ITPRID1: variants seen among roughly 807,000 people sequenced by gnomAD.
ITPRID1 encodes ITPR interacting domain containing 1.
In ITPRID1, 96 loss-of-function variants were observed where a neutral mutation model predicts 95.4. The observed-to-expected ratio is 1.01, with a 90% CI of 0.85 to 1.19. The LOEUF (loss-of-function observed/expected upper bound fraction) is 1.19, where lower values mean the gene tolerates loss of function less well. Among genes scored for constraint, ITPRID1 ranks in the 50% most tolerant of loss-of-function variants. ITPRID1 has a pLI of 0.00. For missense variants in ITPRID1, 1,339 were observed against 1,252.9 expected (o/e 1.07, Z -1.04); for synonymous variants, 510 against 453.6 (o/e 1.12, Z -1.58).
At chr7:31,602,833 C>A (rs556378403) in intron 10 of ITPRID1, among the ~76,000 whole-genome samples, 1 of 152,180 alleles carries the variant, frequency 6.6e-6, no homozygotes, top group South Asian at 2.1e-4. Context: ...ATTTTTCTCT[C>A]TCTGGTTATT....
chr7:31,546,018 G>A (rs1481668803), intron 1 of ITPRID1, among the ~76,000 whole-genome samples: 1 of 151,980 alleles, frequency 6.6e-6, no homozygotes, highest in Admixed American at 6.6e-5. Flanking sequence ...ACTTTAAAAT[G>A]TCTTATAATG....
chr7:31,516,555 G>T (rs1328927794), intron 1 of ITPRID1, among the ~76,000 whole-genome samples: 1 of 152,116 alleles, frequency 6.6e-6, no homozygotes, highest in African/African-American at 2.4e-5. Context: ...GAAACGGCTT[G>T]CTCTAACAGA....
intron 10 of ITPRID1, among the ~76,000 whole-genome samples, chr7:31,618,492 C>A (rs1382216121): frequency 1.3e-5 from 2 of 152,136 alleles, no homozygotes; most frequent in Admixed American, 1.3e-4. Context: ...CTTTCCTGAT[C>A]CAAAGCCTAA....
At chr7:31,591,423 A>C (rs188875158) in intron 10 of ITPRID1, among the ~76,000 whole-genome samples, 1 of 152,208 alleles carries the variant, frequency 6.6e-6, no homozygotes, top group African/African-American at 2.4e-5. Context: ...CTGCTTTGAG[A>C]ATCAACAATG....
At chr7:31,612,676 CTG>C (rs1786930059) in intron 10 of ITPRID1, among the ~76,000 whole-genome samples, 1 of 152,100 alleles carries the variant, frequency 6.6e-6, no homozygotes, top group African/African-American at 2.4e-5. Context: ...CTGAAGGTCT[CTG>C]TGTTTTTGTT....
chr7:31,586,125 T>A (rs374281333), intron 10 of ITPRID1, among the ~76,000 whole-genome samples: 1 of 135,256 alleles, frequency 7.4e-6, no homozygotes, highest in African/African-American at 2.8e-5. Flanking sequence ...TTACTGAGAA[T>A]GATGATTTCC....
At chr7:31,544,227 A>AT (rs1049024855) in intron 1 of ITPRID1, among the ~76,000 whole-genome samples, 21 of 152,172 alleles carry the variant, frequency 1.4e-4, no homozygotes, top group Non-Finnish European at 2.9e-4. Context: ...TTTTGTAGAT[A>AT]TTTTTTATCA....
intron 10 of ITPRID1, among the ~76,000 whole-genome samples, chr7:31,622,669 T>C (rs933608974): frequency 2.0e-5 from 3 of 151,886 alleles, no homozygotes; most frequent in African/African-American, 7.2e-5. Flanking sequence ...AGATCCAAAA[T>C]TGACACCCTA....
chr7:31,546,765 C>T (rs183214460), intron 1 of ITPRID1, among the ~76,000 whole-genome samples: 10 of 152,184 alleles, frequency 6.6e-5, no homozygotes, highest in Admixed American at 5.2e-4. Flanking sequence ...ATAAGTGGAA[C>T]ACAGTGTAAC....
chr7:31,538,179 G>A (rs1783822020), intron 1 of ITPRID1, among the ~76,000 whole-genome samples: 1 of 152,140 alleles, frequency 6.6e-6, no homozygotes, highest in African/African-American at 2.4e-5. Flanking sequence ...GGACTCTCAT[G>A]TACTCTTCCC....
Position 31,656,283 on chromosome 7 carries a change from C to A in ITPRID1, c.*3454C>A, listed in dbSNP as rs1791300615. On this transcript the variant is annotated 3_prime_UTR_variant, in exon 15 of 15. Transcript: ENST00000615280. Reference sequence around the variant, plus strand: ...GACTATCTGGAGGAAAGTACAGACTCCTTTCTTTATCATGTGTGACCTCGG... The same window carrying A: ...GACTATCTGGAGGAAAGTACAGACTACTTTCTTTATCATGTGTGACCTCGG... The A allele has an allele frequency of 5.7e-6, 1 of 176,466 alleles. No individual in the cohort carries two copies. Among genetic ancestry groups the A allele is most frequent in the Non-Finnish European group, 1.1e-5 (1 of 90,332 alleles). 10.9% of individuals were successfully genotyped at this position (176,466 alleles called of 1,614,324 possible). A position where few individuals can be genotyped will look rare whatever the true frequency, so the allele number is the denominator to read the frequency against.
chr7:31,599,391 T>C (rs1442847492), intron 10 of ITPRID1, among the ~76,000 whole-genome samples: 1 of 152,064 alleles, frequency 6.6e-6, no homozygotes, highest in African/African-American at 2.4e-5. Context: ...CACAAAAATA[T>C]GAAAGGGAAT....
chr7:31,518,361 A>G (rs1001223595), intron 1 of ITPRID1: 2 of 152,220 alleles, frequency 1.3e-5, no homozygotes, highest in Non-Finnish European at 2.9e-5. Flanking sequence ...GTTGCCTAAA[A>G]CTACTGTTTG....
chr7:31,600,574 C>T (rs1388573271), intron 10 of ITPRID1, among the ~76,000 whole-genome samples: 1 of 152,174 alleles, frequency 6.6e-6, no homozygotes, highest in African/African-American at 2.4e-5. Flanking sequence ...AAGCCAAGTG[C>T]GTTGCATAAC....
intron 10 of ITPRID1, among the ~76,000 whole-genome samples, chr7:31,615,970 C>CCTGACCTCCTG (rs1042004065): frequency 6.6e-6 from 1 of 151,858 alleles, no homozygotes. Context: ...GTCTCGCTCT[C>CCTGACCTCCTG]CTGACCTCCT....
At position 31,643,185 on chromosome 7, in the gene ITPRID1, T is replaced by C. The variant is rs1199317256; in HGVS notation, c.1815T>C (p.Thr605=). 2.5e-6 allele frequency: 4 copies of C among 1,613,956 alleles called. No individual in the cohort carries two copies. The Admixed American group carries it at 5.0e-5, about 20-fold the overall frequency. The change falls in exon 12 of 15, where the codon ACT becomes ACC. Residue 605 remains threonine, a synonymous_variant. Transcript: ENST00000615280. ...ESQRSPGNDH[T]QDKFLHVDSE... ...AAAGGTCACCTGGAAATGATCATAC[T>C]CAAGACAAGTTCCTTCATGTTGACT...
chr7:31,619,754 C>T lies in ITPRID1; in HGVS notation c.1229-22422C>T, dbSNP rs547602226. 2.1e-4 allele frequency among the ~76,000 whole-genome samples: 32 copies of T among 152,196 alleles called. No individual in the cohort carries two copies. In the Middle Eastern group the frequency reaches 0.01, roughly 49 times the overall value. On this transcript the variant is annotated intron_variant, in intron 10 of 14. Coordinates refer to ENST00000615280, the MANE Select transcript of ITPRID1 (RefSeq NM_001257967.3). The stretch of plus-strand genomic sequence containing the variant: ...TCACTAGGGAGTGCCAGACAGTGGG[C>T]GCAGGTCAGTGGGTGCAGCGCACCA...
At chr7:31,572,039 A>C (rs1046291894) in intron 6 of ITPRID1, 63 bp from the exon 7 acceptor site, 1 of 1,057,166 alleles carries the variant, frequency 9.5e-7, no homozygotes, top group Non-Finnish European at 1.4e-6. Context: ...AAAGATTCAC[A>C]ATGACCTCCC....
chr7:31,570,471 C>T (rs1272378383), intron 6 of ITPRID1, among the ~76,000 whole-genome samples: 1 of 152,182 alleles, frequency 6.6e-6, no homozygotes, highest in South Asian at 2.1e-4. Context: ...CCCCTTCCTG[C>T]GCTTTTGTCA....
Sources: allele counts gnomAD v4.1 joint callset (sites outside exome capture counted in the v4.1 genomes callset), GRCh38; gene constraint gnomAD v4.1.1; transcripts MANE v1.5; gene names NCBI Gene and HGNC (gene_info 2026-07-23, HGNC 2026-07-21).